The following TPD52L1 variants were observed in gnomAD, a reference collection of about 807,000 sequenced individuals.
TPD52L1 encodes TPD52 like 1.
In TPD52L1, 18 loss-of-function variants were observed where a neutral mutation model predicts 28.7. That is an observed-to-expected ratio of 0.63 (90% CI 0.43 to 0.93). TPD52L1 has a LOEUF of 0.93. Among genes scored for constraint, TPD52L1 ranks in the 40% least tolerant of loss-of-function variants. The pLI is 0.00. For missense variants in TPD52L1, 203 were observed against 254.8 expected (o/e 0.80, Z 1.39); for synonymous variants, 75 against 88.8 (o/e 0.84, Z 0.88).
intron 1 of TPD52L1, among the ~76,000 whole-genome samples, chr6:125,212,821 G>A (rs1475107274): frequency 6.6e-6 from 1 of 152,204 alleles, no homozygotes; most frequent in Non-Finnish European, 1.5e-5. Flanking sequence ...AGCTCTGCAT[G>A]GGAGACTTAA....
At chr6:125,216,301 A>G (rs991326849) in intron 1 of TPD52L1, among the ~76,000 whole-genome samples, 2 of 152,026 alleles carry the variant, frequency 1.3e-5, no homozygotes, top group African/African-American at 4.8e-5. Context: ...TGACTGAGAA[A>G]TCCAATGGAT....
intron 3 of TPD52L1, among the ~76,000 whole-genome samples, 168 bp downstream of exon 3, chr6:125,229,434 G>A (rs775836617): frequency 6.6e-6 from 1 of 152,180 alleles, no homozygotes; most frequent in African/African-American, 2.4e-5. Flanking sequence ...TAAGTATGCT[G>A]CATGTGAAGC....
intron 3 of TPD52L1, among the ~76,000 whole-genome samples, chr6:125,242,275 G>A (rs1002070425): frequency 2.0e-5 from 3 of 152,020 alleles, no homozygotes; most frequent in Admixed American, 2.0e-4. Flanking sequence ...CAATTGTTTG[G>A]TAGAATGTTC....
At chr6:125,176,982 G>A (rs1791862698) in intron 1 of TPD52L1, among the ~76,000 whole-genome samples, 1 of 152,170 alleles carries the variant, frequency 6.6e-6, no homozygotes, top group African/African-American at 2.4e-5. Flanking sequence ...AGGCTGCAGT[G>A]AGCTGTGATT....
chr6:125,248,997 T>C (rs3799736), intron 4 of TPD52L1, among the ~76,000 whole-genome samples: 22,920 of 151,916 alleles, frequency 0.15, 2,114 homozygotes, highest in East Asian at 0.31. Context: ...TTCATTATTT[T>C]CAATATTTCA....
At chr6:125,158,854 A>C (rs925642674) in intron 1 of TPD52L1, among the ~76,000 whole-genome samples, 2 of 152,238 alleles carry the variant, frequency 1.3e-5, no homozygotes, top group Non-Finnish European at 2.9e-5. Context: ...TTGGTTTTCT[A>C]GTGCATATAA....
intron 3 of TPD52L1, among the ~76,000 whole-genome samples, chr6:125,230,207 G>A (rs960882498): frequency 5.3e-5 from 8 of 152,156 alleles, no homozygotes; most frequent in African/African-American, 1.9e-4. Flanking sequence ...TTATTCTTAA[G>A]TTGCATGAAA....
rs1795782877 is a variant in TPD52L1 at position 125,229,045 on chromosome 6, A to G, written c.136-73A>G. On this transcript the variant is annotated intron_variant, in intron 2 of 6. Coordinates refer to ENST00000534000, the MANE Select transcript of TPD52L1 (RefSeq NM_003287.4). ...GGAGGGTCAGAGGCTGCTTTGGAAT[A>G]CCCAGAGCTTCTGTAAGTATCCTTT... 3.3e-6 allele frequency: 5 copies of G among 1,522,310 alleles called. No homozygotes were observed. The Admixed American group carries it at 9.5e-5, about 29-fold the overall frequency. The allele number at this position is 1,522,310 out of a possible 1,614,324, so 94.3% of individuals were successfully genotyped here.
intron 1 of TPD52L1, among the ~76,000 whole-genome samples, chr6:125,198,376 C>T (rs1240855053): frequency 6.6e-6 from 1 of 152,122 alleles, no homozygotes; most frequent in East Asian, 1.9e-4. Flanking sequence ...AAGTCCTTTC[C>T]TTCATTGTCC....
intron 3 of TPD52L1, among the ~76,000 whole-genome samples, chr6:125,241,757 C>A (rs934697624): frequency 6.6e-6 from 1 of 151,058 alleles, no homozygotes; most frequent in African/African-American, 2.4e-5. Context: ...TTTTGTTTAT[C>A]TTTTTGAAGA....
intron 3 of TPD52L1, among the ~76,000 whole-genome samples, chr6:125,235,131 T>TAATAAA (rs1200773296): frequency 1.3e-5 from 2 of 149,908 alleles, no homozygotes; most frequent in East Asian, 1.9e-4. Flanking sequence ...ATAATAATAA[T>TAATAAA]AAAACACCAA....
chr6:125,163,452 C>T (rs1047131801), intron 1 of TPD52L1, among the ~76,000 whole-genome samples: 3 of 151,618 alleles, frequency 2.0e-5, no homozygotes, highest in Non-Finnish European at 4.4e-5. Flanking sequence ...CATGGTGATG[C>T]ATGCATGTAT....
intron 1 of TPD52L1, among the ~76,000 whole-genome samples, chr6:125,215,661 C>T (rs908686431): frequency 3.9e-5 from 6 of 152,204 alleles, no homozygotes; most frequent in African/African-American, 1.4e-4. Context: ...TTCAGAGTTT[C>T]TCACTTTGTA....
chr6:125,159,714 C>A (rs1263569251), intron 1 of TPD52L1, among the ~76,000 whole-genome samples: 1 of 152,142 alleles, frequency 6.6e-6, no homozygotes, highest in East Asian at 1.9e-4. Context: ...TTAAATAATA[C>A]GACTTGAAAG....
intron 2 of TPD52L1, among the ~76,000 whole-genome samples, chr6:125,222,478 G>A (rs1383228103): frequency 6.6e-6 from 1 of 152,210 alleles, no homozygotes; most frequent in East Asian, 1.9e-4. Flanking sequence ...CAAGACCTGT[G>A]TGTACAAGGA....
intron 1 of TPD52L1, among the ~76,000 whole-genome samples, chr6:125,200,059 C>T (rs1287288439): frequency 6.6e-6 from 1 of 152,184 alleles, no homozygotes; most frequent in Non-Finnish European, 1.5e-5. Context: ...CATGCATTTT[C>T]AAAGCCACTG....
At chr6:125,180,885 C>T (rs1388308760) in intron 1 of TPD52L1, among the ~76,000 whole-genome samples, 2 of 151,804 alleles carry the variant, frequency 1.3e-5, no homozygotes, top group Non-Finnish European at 2.9e-5. Flanking sequence ...TTGCTATTAT[C>T]ATAGGTCTTT....
At chr6:125,222,274 A>G (rs1422460477) in intron 2 of TPD52L1, among the ~76,000 whole-genome samples, 1 of 152,190 alleles carries the variant, frequency 6.6e-6, no homozygotes, top group African/African-American at 2.4e-5. Context: ...GAGGCCTCCT[A>G]TAGAGTCAGC....
At chr6:125,172,623 A>G (rs1278191885) in intron 1 of TPD52L1, among the ~76,000 whole-genome samples, 2 of 134,624 alleles carry the variant, frequency 1.5e-5, no homozygotes, top group African/African-American at 5.6e-5. Context: ...ATAATTATAT[A>G]TATATAACTA....
Sources: gnomAD v4.1 joint callset for allele counts (sites outside exome capture counted in the v4.1 genomes callset) on GRCh38, gnomAD v4.1.1 for gene constraint, MANE v1.5 for transcripts, NCBI Gene and HGNC (gene_info 2026-07-23, HGNC 2026-07-21) for gene names.